Variants in CSMD3 observed in about 807,000 individuals in gnomAD.
CSMD3 encodes CUB and Sushi multiple domains 3, also known as CUB and sushi domain-containing protein 3.
In CSMD3, 177 loss-of-function variants were observed where a neutral mutation model predicts 435.2. The observed-to-expected ratio is 0.41, with a 90% CI of 0.36 to 0.46. The LOEUF (loss-of-function observed/expected upper bound fraction) is 0.46, where lower values mean the gene tolerates loss of function less well. Among genes scored for constraint, CSMD3 ranks in the 20% least tolerant of loss-of-function variants. CSMD3 has a pLI of 0.34. For synonymous variants in CSMD3, 1,656 were observed against 1,520.5 expected (o/e 1.09, Z -2.07); for missense variants, 4,265 against 4,504.6 (o/e 0.95, Z 1.52).
chr8:112,980,825 A>C (rs1227136920), intron 6 of CSMD3, among the ~76,000 whole-genome samples: 2 of 151,516 alleles, frequency 1.3e-5, no homozygotes, highest in African/African-American at 2.4e-5. Context: ...AAAAGGTATT[A>C]ATTTCAGTAT....
At chr8:112,371,747 G>A (rs981007199) in intron 38 of CSMD3, among the ~76,000 whole-genome samples, 2 of 151,954 alleles carry the variant, frequency 1.3e-5, no homozygotes, top group Non-Finnish European at 2.9e-5. Context: ...AATTAGCCGG[G>A]CATGGTGGTG....
At chr8:112,487,943 T>C (rs767629106) in intron 31 of CSMD3, among the ~76,000 whole-genome samples, 3 of 152,172 alleles carry the variant, frequency 2.0e-5, no homozygotes, top group African/African-American at 4.8e-5. Context: ...CTTTTTAAAG[T>C]AAGAAAAATA....
chr8:113,109,441 T>C (rs577221355), intron 4 of CSMD3, among the ~76,000 whole-genome samples: 34 of 152,232 alleles, frequency 2.2e-4, no homozygotes, highest in African/African-American at 8.2e-4. Flanking sequence ...GCTTCTAAAA[T>C]ACAATGGTCA....
chr8:113,019,227 A>T (rs1170789169), intron 5 of CSMD3, 48 bp from the exon 6 acceptor site: 1 of 1,295,846 alleles, frequency 7.7e-7, no homozygotes, highest in Non-Finnish European at 1.1e-6. Flanking sequence ...GCTTTTCAGC[A>T]GTAAACGTTT....
chr8:112,418,982 T>A (rs975031018), intron 32 of CSMD3, among the ~76,000 whole-genome samples: 1 of 152,172 alleles, frequency 6.6e-6, no homozygotes, highest in African/African-American at 2.4e-5. Context: ...GTGTGTCCCA[T>A]TCCCCAATAT....
chr8:112,444,443 C>G (rs1373330942), intron 32 of CSMD3, among the ~76,000 whole-genome samples: 1 of 152,170 alleles, frequency 6.6e-6, no homozygotes, highest in Non-Finnish European at 1.5e-5. Flanking sequence ...TAGGCTCAGA[C>G]TGGAAATAAC....
chr8:112,288,032 AAGAGAG>A (rs143895303), intron 57 of CSMD3, among the ~76,000 whole-genome samples: 3 of 149,716 alleles, frequency 2.0e-5, no homozygotes, highest in Admixed American at 1.3e-4. Flanking sequence ...GCTAGAGAGA[AAGAGAG>A]AGAGAGAGAG....
At chr8:112,259,529 T>A (rs1306174345) in intron 61 of CSMD3, among the ~76,000 whole-genome samples, 1 of 152,088 alleles carries the variant, frequency 6.6e-6, no homozygotes, top group Non-Finnish European at 1.5e-5. Flanking sequence ...CCATGGCATG[T>A]GTATACCTAT....
At chr8:112,991,120 CTACT>C (rs1259309509) in intron 6 of CSMD3, among the ~76,000 whole-genome samples, 2 of 151,460 alleles carry the variant, frequency 1.3e-5, no homozygotes, top group Non-Finnish European at 2.9e-5. Flanking sequence ...TTATGAGGAC[CTACT>C]TAATCATTTT....
chr8:113,123,776 A>G (rs573013832), intron 4 of CSMD3, among the ~76,000 whole-genome samples: 2 of 152,032 alleles, frequency 1.3e-5, no homozygotes, highest in African/African-American at 4.8e-5. Flanking sequence ...ATAAGCATAC[A>G]TTTACTATCT....
chr8:113,068,141 G>T (rs957320970), intron 5 of CSMD3, among the ~76,000 whole-genome samples: 1 of 152,128 alleles, frequency 6.6e-6, no homozygotes, highest in South Asian at 2.1e-4. Flanking sequence ...ACTTTTGAGT[G>T]AAGTTAATAA....
chr8:112,855,680 T>C (rs143167843), intron 11 of CSMD3, among the ~76,000 whole-genome samples: 153 of 152,124 alleles, frequency 1.0e-3, no homozygotes, highest in African/African-American at 3.5e-3. Flanking sequence ...TACATACCTG[T>C]ATACACAAAT....
At chr8:113,062,803 A>T (rs1002189510) in intron 5 of CSMD3, among the ~76,000 whole-genome samples, 1 of 151,852 alleles carries the variant, frequency 6.6e-6, no homozygotes, top group Non-Finnish European at 1.5e-5. Flanking sequence ...TATTTAAGCT[A>T]TTTAATAGTA....
At chr8:112,416,274 G>A in intron 32 of CSMD3, among the ~76,000 whole-genome samples, 1 of 152,122 alleles carries the variant, frequency 6.6e-6, no homozygotes. Flanking sequence ...TAAGTGTCTG[G>A]TATTTCCGCT....
intron 32 of CSMD3, among the ~76,000 whole-genome samples, chr8:112,421,475 C>T (rs1812489577): frequency 6.6e-6 from 1 of 151,052 alleles, no homozygotes; most frequent in South Asian, 2.1e-4. Flanking sequence ...ACCCGGGAGC[C>T]ACAGGTTGTA....
At chr8:112,349,866 C>G (rs1825989562) in intron 40 of CSMD3, among the ~76,000 whole-genome samples, 1 of 152,094 alleles carries the variant, frequency 6.6e-6, no homozygotes, top group African/African-American at 2.4e-5. Flanking sequence ...ATGTTGTGGA[C>G]TTAATTATGT....
chr8:113,091,850 G>T (rs1268415121), intron 5 of CSMD3, among the ~76,000 whole-genome samples: 4 of 151,492 alleles, frequency 2.6e-5, no homozygotes, highest in Admixed American at 2.6e-4. Context: ...TGCTTTCATA[G>T]TTCTTTAAGA....
chr8:112,534,375 A>G (rs1825845830), intron 27 of CSMD3, among the ~76,000 whole-genome samples: 1 of 152,180 alleles, frequency 6.6e-6, no homozygotes, highest in South Asian at 2.1e-4. Context: ...ACAAACTACC[A>G]TCAGAGAATA....
At chr8:113,431,838 A>G (rs549403131) in intron 1 of CSMD3, among the ~76,000 whole-genome samples, 5 of 152,248 alleles carry the variant, frequency 3.3e-5, no homozygotes, top group South Asian at 2.1e-4. Flanking sequence ...CACAGATGAC[A>G]TTTGGTGTCT....
Sources: gnomAD v4.1 joint callset for allele counts (sites outside exome capture counted in the v4.1 genomes callset) on GRCh38, gnomAD v4.1.1 for gene constraint, MANE v1.5 for transcripts, NCBI Gene and HGNC (gene_info 2026-07-23, HGNC 2026-07-21) for gene names.